The following KANK1 variants were observed in gnomAD, a reference collection of about 807,000 sequenced individuals.
KANK1 encodes the protein KN motif and ankyrin repeat domain-containing protein 1.
KANK1 carries 109 observed loss-of-function variants against 106.2 expected under a neutral mutation model. The ratio of observed to expected loss-of-function variants is 1.03; its 90% confidence interval spans 0.88 to 1.20. KANK1 has a LOEUF of 1.20. Among genes scored for constraint, KANK1 ranks in the 50% most tolerant of loss-of-function variants. The pLI is 0.00. For missense variants in KANK1, 2,399 were observed against 1,710.7 expected (o/e 1.40, Z -7.10); for synonymous variants, 873 against 652.2 (o/e 1.34, Z -5.16).
chr9:542,725 A>T (rs1434009084), intron 1 of KANK1, among the ~76,000 whole-genome samples: 1 of 152,226 alleles, frequency 6.6e-6, no homozygotes. Context: ...TCACCCTTAC[A>T]AAAGAAGAAA....
chr9:626,093 A>G (rs1402305091), intron 1 of KANK1, among the ~76,000 whole-genome samples: 1 of 152,144 alleles, frequency 6.6e-6, no homozygotes, highest in Non-Finnish European at 1.5e-5. Flanking sequence ...CCTCATCAAT[A>G]AGGTACAGAA....
At chr9:622,044 G>C (rs1219609691) in intron 1 of KANK1, among the ~76,000 whole-genome samples, 1 of 152,048 alleles carries the variant, frequency 6.6e-6, no homozygotes, top group Non-Finnish European at 1.5e-5. Context: ...ATAGGTTCAG[G>C]GTCTTTTTCA....
chr9:744,403 T>A, intron 10 of KANK1, 88 bp from the exon 11 acceptor site: 1 of 1,448,718 alleles, frequency 6.9e-7, no homozygotes, highest in Admixed American at 2.1e-5. Context: ...CCTTGCCAAT[T>A]ATTGGAGGGT....
At chr9:606,172 CA>C (rs1351595011) in intron 1 of KANK1, among the ~76,000 whole-genome samples, 20 of 147,280 alleles carry the variant, frequency 1.4e-4, no homozygotes, top group African/African-American at 5.0e-4. Flanking sequence ...CACACACACA[CA>C]CACACACACC....
intron 1 of KANK1, among the ~76,000 whole-genome samples, chr9:586,141 T>G (rs1386861464): frequency 6.6e-6 from 1 of 152,220 alleles, no homozygotes; most frequent in African/African-American, 2.4e-5. Context: ...GTTCCCATTT[T>G]ATGCATAGTG....
intron 1 of KANK1, among the ~76,000 whole-genome samples, chr9:653,822 T>G (rs1248999253): frequency 2.0e-5 from 3 of 152,214 alleles, no homozygotes; most frequent in Non-Finnish European, 2.9e-5. Context: ...CCTCATCACA[T>G]TGGATACTTA....
chr9:605,300 C>CAAAAAAAAAAAAAAAAAAAAAACAAAAA (rs34315668), intron 1 of KANK1, among the ~76,000 whole-genome samples: 1 of 106,826 alleles, frequency 9.4e-6, no homozygotes, highest in Non-Finnish European at 1.8e-5. Context: ...GACTCCGTCT[C>CAAAAAAAAAAAAAAAAAAAAAACAAAAA]AAAAAAAAAA....
intron 2 of KANK1, among the ~76,000 whole-genome samples, chr9:696,061 G>A (rs1821191864): frequency 6.6e-6 from 1 of 151,670 alleles, no homozygotes; most frequent in African/African-American, 2.4e-5. Flanking sequence ...GGGAAGCCCG[G>A]CTCACGAGGC....
At chr9:744,981 C>T (rs1227221014) in intron 11 of KANK1, 192 bp from the exon 12 acceptor site, 9 of 1,486,372 alleles carry the variant, frequency 6.1e-6, no homozygotes, top group African/African-American at 2.8e-5. Flanking sequence ...CCAGGACAGC[C>T]GGACATAGCA....
At chr9:532,237 CTTTTTTTTTT>C in intron 1 of KANK1, among the ~76,000 whole-genome samples, 1 of 107,770 alleles carries the variant, frequency 9.3e-6, no homozygotes. Context: ...GAGCATTTGT[CTTTTTTTTTT>C]TTTTTTTTTT....
At chr9:620,535 T>C (rs1263841068) in intron 1 of KANK1, among the ~76,000 whole-genome samples, 3 of 151,976 alleles carry the variant, frequency 2.0e-5, no homozygotes, top group East Asian at 3.9e-4. Context: ...CCTGAGTAGC[T>C]GGGATTACGG....
intron 2 of KANK1, among the ~76,000 whole-genome samples, chr9:706,022 A>G (rs1397041331): frequency 6.6e-6 from 1 of 152,182 alleles, no homozygotes; most frequent in Non-Finnish European, 1.5e-5. Context: ...TAAGTGCCTA[A>G]TTTATGTTGA....
At chr9:572,150 A>AATTTTTT (rs774359841) in intron 1 of KANK1, among the ~76,000 whole-genome samples, 1 of 111,340 alleles carries the variant, frequency 9.0e-6, no homozygotes. Context: ...ATAAACAGTG[A>AATTTTTT]TTTTTTTTTT....
chr9:544,269 C>G (rs934447289), intron 1 of KANK1, among the ~76,000 whole-genome samples: 13 of 152,212 alleles, frequency 8.5e-5, no homozygotes, highest in Admixed American at 2.6e-4. Context: ...AAGCCACCCC[C>G]CACTTGGCCT....
intron 2 of KANK1, among the ~76,000 whole-genome samples, chr9:685,836 G>A (rs1313577920): frequency 6.6e-6 from 1 of 152,164 alleles, no homozygotes; most frequent in Non-Finnish European, 1.5e-5. Context: ...TGGTTTAGTT[G>A]ATAAATCCCA....
At chr9:488,643 C>A (rs1012182038) in intron 3 of KANK1, among the ~76,000 whole-genome samples, 7 of 152,116 alleles carry the variant, frequency 4.6e-5, no homozygotes, top group Admixed American at 1.3e-4. Context: ...TCAATGTAAT[C>A]AAAAATGCTG....
intron 3 of KANK1, among the ~76,000 whole-genome samples, chr9:493,037 A>G (rs910930359): frequency 1.3e-5 from 2 of 150,874 alleles, no homozygotes; most frequent in African/African-American, 2.4e-5. Context: ...TCAAAAAAAA[A>G]AAAAAAAAGA....
chr9:731,316 C>A, intron 5 of KANK1, 50 bp downstream of exon 5: 1 of 1,110,964 alleles, frequency 9.0e-7, no homozygotes, highest in South Asian at 1.3e-5. Flanking sequence ...TCTCCTTTAC[C>A]TCCTGCCTAA....
intron 1 of KANK1, among the ~76,000 whole-genome samples, chr9:528,182 A>G (rs1180578062): frequency 6.6e-6 from 1 of 151,492 alleles, no homozygotes; most frequent in Non-Finnish European, 1.5e-5. Flanking sequence ...TTTTTGTCCA[A>G]GTATTCTGAT....
Sources: gnomAD v4.1 joint callset for allele counts (sites outside exome capture counted in the v4.1 genomes callset) on GRCh38, gnomAD v4.1.1 for gene constraint, MANE v1.5 for transcripts, NCBI Gene and HGNC (gene_info 2026-07-23, HGNC 2026-07-21) for gene names.